The following COL6A6 variants were observed in gnomAD, a reference collection of about 807,000 sequenced individuals.
COL6A6 encodes collagen alpha-6(VI) chain.
In COL6A6, 183 loss-of-function variants were observed where a neutral mutation model predicts 208.6. The observed-to-expected ratio is 0.88, with a 90% CI of 0.78 to 0.99. The LOEUF is 0.99. Among genes scored for constraint, COL6A6 ranks in the 50% least tolerant of loss-of-function variants. The pLI, the probability that COL6A6 is intolerant of heterozygous loss-of-function variation, is 0.00. For missense variants in COL6A6, 2,816 were observed against 2,815.2 expected, an observed-to-expected ratio of 1.00 and a Z score of -0.01; for synonymous variants, 973 against 1,011.8, an observed-to-expected ratio of 0.96 and a Z score of 0.73.
At chr3:130,599,608 G>C in intron 19 of COL6A6, 149 bp from the exon 20 acceptor site, 1 of 705,174 alleles carries the variant, frequency 1.4e-6, no homozygotes, top group Non-Finnish European at 2.5e-6. Context: ...CTTATGATCA[G>C]TAGAGTTCAT....
intron 23 of COL6A6, among the ~76,000 whole-genome samples, chr3:130,621,298 A>G (rs2064707509): frequency 6.6e-6 from 1 of 152,176 alleles, no homozygotes; most frequent in Non-Finnish European, 1.5e-5. Flanking sequence ...TATCACTAGG[A>G]AAGAGAAAAT....
chr3:130,547,193 G>A (rs748175355), intron 1 of COL6A6, among the ~76,000 whole-genome samples: 3 of 152,248 alleles, frequency 2.0e-5, no homozygotes, highest in South Asian at 2.1e-4. Flanking sequence ...TGCAGGTCCC[G>A]AGCCATGCCC....
intron 8 of COL6A6, among the ~76,000 whole-genome samples, chr3:130,578,366 G>T (rs895257696): frequency 2.0e-5 from 3 of 152,146 alleles, no homozygotes; most frequent in African/African-American, 4.8e-5. Flanking sequence ...CTGGGTCTGG[G>T]TTCTCCAGAA....
intron 30 of COL6A6, 54 bp downstream of exon 30, chr3:130,642,921 TA>T: frequency 1.2e-6 from 2 of 1,613,230 alleles, no homozygotes; most frequent in Non-Finnish European, 8.5e-7. Flanking sequence ...TCAATTTACT[TA>T]TTTTTAAACC....
chr3:130,614,459 C>G (rs1462513963), intron 23 of COL6A6, among the ~76,000 whole-genome samples: 2 of 151,960 alleles, frequency 1.3e-5, no homozygotes, highest in African/African-American at 4.8e-5. Context: ...AGAATATCAG[C>G]CTGAAGTTTT....
intron 1 of COL6A6, among the ~76,000 whole-genome samples, chr3:130,549,366 C>T (rs2062592646): frequency 6.6e-6 from 1 of 152,144 alleles, no homozygotes; most frequent in Non-Finnish European, 1.5e-5. Flanking sequence ...CTATGTTGCT[C>T]AGGCTGGCCT....
At chr3:130,650,543 C>T (rs1259721853) in intron 33 of COL6A6, among the ~76,000 whole-genome samples, 1 of 151,808 alleles carries the variant, frequency 6.6e-6, no homozygotes, top group Admixed American at 6.6e-5. Flanking sequence ...ATCGCTTGAA[C>T]CCAGGCGGCA....
At chr3:130,650,393 CG>C (rs1461779619) in intron 33 of COL6A6, among the ~76,000 whole-genome samples, 11 of 152,074 alleles carry the variant, frequency 7.2e-5, no homozygotes, top group Non-Finnish European at 1.6e-4. Flanking sequence ...GAGGCCGAGG[CG>C]GGTGGATCAC....
At chr3:130,611,331 T>C (rs2064352834) in intron 23 of COL6A6, among the ~76,000 whole-genome samples, 1 of 152,244 alleles carries the variant, frequency 6.6e-6, no homozygotes, top group Non-Finnish European at 1.5e-5. Flanking sequence ...CCTGAGATTC[T>C]GCACTTCTAG....
Position 130,649,552 on chromosome 3 carries a change from G to C in COL6A6, c.5723G>C (p.Arg1908Pro), listed in dbSNP as rs777925223. Residue 1908 changes from arginine to proline, a missense_variant, in exon 33 of 37, where the codon CGC becomes CCC. Arg to Pro is a moderately radical substitution (Grantham distance 103, BLOSUM62 -2). Transcript: ENST00000358511. ...TTCAGCAACGTGCCCTCGGTCAGGC[G>C]CGCATTTGCGGTATGAGGATGAAAC... is the stretch of plus-strand genomic sequence containing the variant. ...ITFSNVPSVR[R>P]AFAIDDTGTF... is the part of the protein sequence containing the mutation. The C allele has an allele frequency of 6.3e-7, 1 of 1,586,296 alleles. No individual in the cohort carries two copies. Among genetic ancestry groups the C allele is most frequent in the African/African-American group, 1.3e-5 (1 of 74,744 alleles).
At chr3:130,586,478 C>T (rs1196297747) in intron 10 of COL6A6, 28 bp from the exon 11 acceptor site, 1 of 1,584,318 alleles carries the variant, frequency 6.3e-7, no homozygotes, top group African/African-American at 1.4e-5. Context: ...CCCACCTCAC[C>T]TGGAACATTG....
rs745657634 is a variant in COL6A6, at chr3:130,581,526, GATTT to G, written c.3548-31_3548-28del. On this transcript the variant is annotated intron_variant, in intron 8 of 36. Transcript: ENST00000358511. The stretch of plus-strand genomic sequence containing the variant: ...TCTGAGTTAAATAAAGGCGTTTGTT[GATTT>G]ATTAAGACATGCTTTTCCTTTGAAT... 13 of 1,472,372 alleles carry G rather than the reference GATTT, an allele frequency of 8.8e-6. No homozygotes were observed. The African/African-American group carries it at 1.5e-4, about 17-fold the overall frequency. 91.2% of individuals were successfully genotyped at this position (1,472,372 alleles called of 1,614,324 possible).
At position 130,589,135 on chromosome 3, in the gene COL6A6, A is replaced by G. The variant is rs2063612187; in HGVS notation, c.4171A>G (p.Ile1391Val). The G allele has an allele frequency of 1.1e-5, 17 of 1,613,918 alleles. No individual in the cohort carries two copies. Among genetic ancestry groups the G allele is most frequent in the African/African-American group, 1.3e-5 (1 of 75,044 alleles). Residue 1391 changes from isoleucine (I) to valine (V), a missense_variant, in exon 12 of 37, where the codon ATT becomes GTT. Physicochemically the swap from Ile to Val is conservative, Grantham distance 29. Transcript: ENST00000358511. ...RTCCCLFCKC[I>V]GGDGTMGDPG... ...ATGCTGCTGTTTGTTCTGCAAGTGC[A>G]TTGGAGGAGATGGCACAATGGGAGA... is the stretch of plus-strand genomic sequence containing the variant.
chr3:130,593,067 G>A lies in COL6A6; in HGVS notation c.4378G>A (p.Val1460Ile). 3.7e-6 allele frequency: 6 copies of A among 1,613,550 alleles called. No homozygotes were observed. Among genetic ancestry groups the A allele is most frequent in the South Asian group, 2.2e-5 (2 of 91,068 alleles). Residue 1460 changes from valine (V) to isoleucine (I), a missense_variant, in exon 16 of 37, where the codon GTT becomes ATT. Coordinates refer to ENST00000358511, the MANE Select transcript of COL6A6 (RefSeq NM_001102608.3). ...ATCATATCTATCTTTTCAGGGAGAA[G>A]TTGGGGAAAATGGAATTGACGGATT... ...NRGLNGQEGE[V>I]GENGIDGLNG...
intron 1 of COL6A6, among the ~76,000 whole-genome samples, chr3:130,530,148 C>T (rs1268854736): frequency 6.6e-6 from 1 of 152,216 alleles, no homozygotes; most frequent in Non-Finnish European, 1.5e-5. Flanking sequence ...ACTCTGAAGC[C>T]AGACTGCCTG....
Position 130,598,387 on chromosome 3 carries a change from G to A in COL6A6, c.4556G>A (p.Ser1519Asn). The change falls in exon 19 of 37, where the codon AGC becomes AAC. Residue 1519 changes from serine to asparagine, a missense_variant. Coordinates refer to ENST00000358511, the MANE Select transcript of COL6A6 (RefSeq NM_001102608.3). ...GDPGAPGVDS[S>N]IEGPTGLKGE... Reference sequence around the variant, plus strand: ...TAGGGAGCTCCTGGAGTTGACAGTAGCATAGAAGGACCCACAGGCTTGAAA... The same window carrying A: ...TAGGGAGCTCCTGGAGTTGACAGTAACATAGAAGGACCCACAGGCTTGAAA... 6.4e-7 allele frequency: 1 copy of A among 1,551,068 alleles called. No homozygotes were observed. Among genetic ancestry groups the A allele is most frequent in the Non-Finnish European group, 8.7e-7 (1 of 1,146,044 alleles).
At chr3:130,664,682 G>A (rs567225547) in intron 35 of COL6A6, among the ~76,000 whole-genome samples, 28 of 152,176 alleles carry the variant, frequency 1.8e-4, no homozygotes, top group African/African-American at 6.3e-4. Context: ...AACTACTCTT[G>A]TTAGTTTATA....
chr3:130,661,783 G>A lies in COL6A6; in HGVS notation c.5977G>A (p.Asp1993Asn), dbSNP rs1025415700. 1.1e-5 allele frequency: 18 copies of A among 1,613,780 alleles called. No homozygotes were observed. The highest frequency in any genetic ancestry group is 1.3e-5 in the Non-Finnish European group (15 of 1,179,882). ...AAGAGCCTTCCTTGGAGCACTATTA[G>A]ATCACTTTGAAATCACCCCAGAGCC... ...DIRAFLGALL[D>N]HFEITPEPET... The change falls in exon 35 of 37, where the codon GAT becomes AAT. Residue 1993 changes from aspartate to asparagine, a missense_variant. By Grantham distance (23) the Asp-to-Asn change is conservative. Transcript: ENST00000358511.
chr3:130,661,322 A>G (rs2065924712), intron 34 of COL6A6, among the ~76,000 whole-genome samples: 1 of 152,216 alleles, frequency 6.6e-6, no homozygotes, highest in Non-Finnish European at 1.5e-5. Flanking sequence ...CCTTGCATGC[A>G]CGAGGCCAAT....
Sources: gnomAD v4.1 joint callset for allele counts (sites outside exome capture counted in the v4.1 genomes callset) on GRCh38, gnomAD v4.1.1 for gene constraint, MANE v1.5 for transcripts, NCBI Gene and HGNC (gene_info 2026-07-23, HGNC 2026-07-21) for gene names.